Variants in ENGASE observed in about 807,000 individuals in gnomAD.
The protein encoded by ENGASE is endo-beta-N-acetylglucosaminidase, also known as cytosolic endo-beta-N-acetylglucosaminidase.
Under a neutral mutation model 78.5 loss-of-function variants are expected in ENGASE, and 69 were observed. The observed-to-expected ratio is 0.88, with a 90% confidence interval of 0.72 to 1.07. ENGASE has a LOEUF of 1.07. Ranked by LOEUF, ENGASE falls within the 50% of genes least tolerant of loss-of-function variation. The pLI is 0.00. For synonymous variants in ENGASE, 408 were observed against 408.9 expected (o/e 1.00, Z 0.03); for missense variants, 943 against 988.4 (o/e 0.95, Z 0.62).
Position 79,085,632 on chromosome 17 carries a change from G to A in ENGASE, c.1713G>A (p.Val571=), listed in dbSNP as rs762304734. The A allele has an allele frequency of 5.6e-6, 9 of 1,613,816 alleles. No homozygotes were observed. The highest frequency in any genetic ancestry group is 7.6e-6 in the Non-Finnish European group (9 of 1,179,994). The change falls in exon 13 of 14, where the codon GTG becomes GTA. Residue 571 remains valine (V), a synonymous_variant. Coordinates refer to ENST00000579016, the MANE Select transcript of ENGASE (RefSeq NM_001042573.3). The part of the protein sequence containing the change: ...SGGWVQHCYE[V]SLRGCLLLDL... ...TTTCGCCCCGTAGCTGCTACGAGGT[G>A]AGCCTGCGTGGGTGCCTGCTGCTAG...
intron 7 of ENGASE, chr17:79,082,411 C>G: frequency 8.1e-7 from 1 of 1,231,766 alleles, no homozygotes; most frequent in Non-Finnish European, 1.0e-6. Flanking sequence ...CGGGGACGCA[C>G]AGGGGCCTGC....
rs181617117 is a variant in ENGASE, at chr17:79,083,244, G to A, written c.1142+121G>A. ...TTCCTATGGGGGGGTGGTTAAGGGA[G>A]GATGACAGGGGAGGAAGCCAGCACC... On this transcript the variant is annotated intron_variant, in intron 8 of 13. Coordinates refer to ENST00000579016, the MANE Select transcript of ENGASE (RefSeq NM_001042573.3). This position sits in a 1 kb window ranked among gnomAD's most constrained non-coding sequence, Gnocchi z 4.9. The A allele has an allele frequency of 1.2e-3, 1,004 of 829,434 alleles. 5 individuals carry two copies. The African/African-American group carries it at 0.015, about 12-fold the overall frequency. The allele number at this position is 829,434 out of a possible 1,614,324, so 51.4% of individuals were successfully genotyped here.
At chr17:79,080,133 A>G in intron 4 of ENGASE, 74 bp from the exon 5 acceptor site, 1 of 1,511,806 alleles carries the variant, frequency 6.6e-7, no homozygotes, top group Non-Finnish European at 8.9e-7. Flanking sequence ...TGGTTCGAGA[A>G]CCTCGCTTTG....
At chr17:79,078,228 T>C (rs1484946897) in intron 3 of ENGASE, among the ~76,000 whole-genome samples, 1 of 152,092 alleles carries the variant, frequency 6.6e-6, no homozygotes, top group Admixed American at 6.5e-5. Context: ...TAATCCCAGC[T>C]ACTTAGGGGG....
In ENGASE at chr17:79,083,808, G is replaced by C. The variant is rs1404421541; in HGVS notation, c.1299G>C (p.Gln433His). The C allele has an allele frequency of 6.2e-7, 1 of 1,612,316 alleles. No homozygotes were observed. Among genetic ancestry groups the C allele is most frequent in the Non-Finnish European group, 8.5e-7 (1 of 1,179,456 alleles). Residue 433 changes from glutamine (Q) to histidine (H), a missense_variant, in exon 10 of 14, where the codon CAG becomes CAC. Transcript: ENST00000579016. This position sits in a 1 kb window ranked among gnomAD's most constrained non-coding sequence, Gnocchi z 4.9. ...PWYHLSAQEI[Q>H]PLFGEHRLGG... The stretch of plus-strand genomic sequence containing the variant: ...ACCACCTGAGCGCCCAGGAGATCCA[G>C]CCCTTGTTTGGAGAACACAGGCTGG...
chr17:79,081,384 C>A (rs191667542), intron 6 of ENGASE, among the ~76,000 whole-genome samples: 2 of 152,184 alleles, frequency 1.3e-5, no homozygotes, highest in Non-Finnish European at 2.9e-5. Context: ...CACCTGTAGC[C>A]CCAGCTACTC....
intron 11 of ENGASE, 25 bp from the exon 12 acceptor site, chr17:79,085,209 T>C (rs2073259128): frequency 1.9e-6 from 3 of 1,585,284 alleles, no homozygotes; most frequent in Non-Finnish European, 2.6e-6. Context: ...TTCTCCTTTT[T>C]CAAGTTCCGT....
In ENGASE at chr17:79,077,425, C is replaced by G. The variant is rs988689939; in HGVS notation, c.147-5C>G. 1 of 1,594,876 alleles carries G rather than the reference C, an allele frequency of 6.3e-7. No homozygotes were observed. The highest frequency in any genetic ancestry group is 1.4e-5 in the African/African-American group (1 of 73,862). On this transcript the variant is annotated splice_region_variant and splice_polypyrimidine_tract_variant and intron_variant, in intron 1 of 13. Coordinates refer to ENST00000579016, the MANE Select transcript of ENGASE (RefSeq NM_001042573.3). ...TTATAAATGTACAACTCCCTCTTTGCTTAGCATCAAAGATGAAGAAGAAGA... is the reference window on the plus strand; with the variant it reads ...TTATAAATGTACAACTCCCTCTTTGGTTAGCATCAAAGATGAAGAAGAAGA...
chr17:79,077,454 A>G lies in ENGASE; in HGVS notation c.171A>G (p.Thr57=). The G allele has an allele frequency of 1.3e-6, 2 of 1,583,954 alleles. No individual in the cohort carries two copies. Among genetic ancestry groups the G allele is most frequent in the Admixed American group, 1.9e-5 (1 of 52,330 alleles). ...GRSIKDEEEE[T]VFREVVSFSP... is the part of the protein sequence containing the mutation. ...GCATCAAAGATGAAGAAGAAGAGAC[A>G]GTCTTTCGAGAGGTGGTCAGTTTTT... Residue 57 remains threonine (T), a synonymous_variant, in exon 2 of 14, where the codon ACA becomes ACG. Coordinates refer to ENST00000579016, the MANE Select transcript of ENGASE (RefSeq NM_001042573.3).
rs2073199435 is a variant in ENGASE at position 79,083,343 on chromosome 17, C to CG, written c.1143-135dup. On this transcript the variant is annotated intron_variant, in intron 8 of 13. Transcript: ENST00000579016. The surrounding 1 kb of genome is among the most constrained non-coding windows in gnomAD (Gnocchi z 4.9). Reference sequence around the variant, plus strand: ...CTCGTGTTTGCAGCGTATCTGTAGACGGGGAGGCTGCAGTCCTCCTGGAAG... The same window carrying CG: ...CTCGTGTTTGCAGCGTATCTGTAGACGGGGGAGGCTGCAGTCCTCCTGGAAG... 2.8e-6 allele frequency: 2 copies of CG among 719,598 alleles called. No homozygotes were observed. The highest frequency in any genetic ancestry group is 3.6e-5 in the African/African-American group (2 of 56,204). The allele number at this position is 719,598 out of a possible 1,614,324, so 44.6% of individuals were successfully genotyped here. A position where few individuals can be genotyped will look rare whatever the true frequency, so the allele number is the denominator to read the frequency against.
intron 1 of ENGASE, chr17:79,075,957 C>T: frequency 7.4e-6 from 7 of 948,544 alleles, no homozygotes; most frequent in Non-Finnish European, 6.3e-6. Flanking sequence ...ATAAGGACAT[C>T]AACGAGGAAG....
At chr17:79,084,464 G>C in intron 10 of ENGASE, 74 bp from the exon 11 acceptor site, 1 of 1,422,666 alleles carries the variant, frequency 7.0e-7, no homozygotes, top group Non-Finnish European at 9.3e-7. Context: ...AGGGGCTGGT[G>C]GACGCGATTT....
rs201376470 is a variant in ENGASE, at chr17:79,079,543, C to A, written c.471C>A (p.Cys157Ter). Residue 157 changes from cysteine to a stop codon, truncating the protein, a stop_gained, in exon 4 of 14, where the codon TGC becomes TGA. Coordinates refer to ENST00000579016, the MANE Select transcript of ENGASE (RefSeq NM_001042573.3). LOFTEE classifies it high-confidence loss of function. ...CCTATGCTTTCTACCACTGGCAGTGCATCGACGTCTTTGTGTACTTCAGCC... is the reference window on the plus strand; with the variant it reads ...CCTATGCTTTCTACCACTGGCAGTGAATCGACGTCTTTGTGTACTTCAGCC... ...QTPYAFYHWQ[C>*]IDVFVYFSHH... The A allele has an allele frequency of 2.9e-4, 463 of 1,614,008 alleles. No homozygotes were observed. Among genetic ancestry groups the A allele is most frequent in the Non-Finnish European group, 3.7e-4 (439 of 1,180,030 alleles).
rs759534679 is a variant in ENGASE at position 79,086,020 on chromosome 17, G to T, written c.1903G>T (p.Glu635Ter). Residue 635 changes from glutamate to a stop codon, truncating the protein, a stop_gained, in exon 14 of 14, where the codon GAG becomes TAG. Coordinates refer to ENST00000579016, the MANE Select transcript of ENGASE (RefSeq NM_001042573.3). LOFTEE classifies it low-confidence loss of function (END_TRUNC). ...CATCCGCTGGCAGCCATCCGCCTCT[G>T]AGCGGGAGGGGCCCCCTGCTCTGCT... Reference protein sequence around the residue: ...SHIRWQPSASEREGPPALLQL... With the variant: ...SHIRWQPSAS 3.1e-6 allele frequency: 5 copies of T among 1,612,580 alleles called. No homozygotes were observed. The highest frequency in any genetic ancestry group is 3.3e-5 in the Admixed American group (2 of 60,020).
rs1042631493 is a variant in ENGASE, at chr17:79,083,507, C to T, written c.1168C>T (p.Leu390=). ...DKFWGRLERY[L]PTHSICSLPF... is the part of the protein sequence containing the mutation. ...GTTCTGGGGCCGACTGGAGCGTTAT[C>T]TGCCCACACATAGCATCTGCTCCTT... is the stretch of plus-strand genomic sequence containing the variant. The change falls in exon 9 of 14, where the codon CTG becomes TTG. Residue 390 remains leucine (L), a synonymous_variant. Coordinates refer to ENST00000579016, the MANE Select transcript of ENGASE (RefSeq NM_001042573.3). This position sits in a 1 kb window ranked among gnomAD's most constrained non-coding sequence, Gnocchi z 4.9. 5 of 1,614,096 alleles carry T rather than the reference C, an allele frequency of 3.1e-6. No homozygotes were observed. Among genetic ancestry groups the T allele is most frequent in the Non-Finnish European group, 4.2e-6 (5 of 1,180,032 alleles).
Position 79,074,976 on chromosome 17 carries a change from C to T in ENGASE, c.32C>T (p.Ser11Leu), listed in dbSNP as rs1350987539. 4.0e-6 allele frequency: 5 copies of T among 1,240,568 alleles called. No individual in the cohort carries two copies. Among genetic ancestry groups the T allele is most frequent in the Admixed American group, 3.9e-5 (1 of 25,692 alleles). The allele number at this position is 1,240,568 out of a possible 1,614,324, so 76.8% of individuals were successfully genotyped here. Residue 11 changes from serine to leucine, a missense_variant, in exon 1 of 14, where the codon TCG becomes TTG. Coordinates refer to ENST00000579016, the MANE Select transcript of ENGASE (RefSeq NM_001042573.3). MEAAAVTVTR[S>L]ATRRRRRQLQ... ...GCCGCGGCGGTGACGGTCACCCGGT[C>T]GGCTACACGGCGGCGGCGGCGGCAG...
Position 79,086,743 on chromosome 17 carries a change from A to G in ENGASE, c.*394A>G, listed in dbSNP as rs188230111. 7.1e-5 allele frequency: 26 copies of G among 368,378 alleles called. No homozygotes were observed. Among genetic ancestry groups the G allele is most frequent in the African/African-American group, 3.0e-4 (14 of 47,412 alleles). 22.8% of individuals were successfully genotyped at this position (368,378 alleles called of 1,614,324 possible). On this transcript the variant is annotated 3_prime_UTR_variant, in exon 14 of 14. Transcript: ENST00000579016. ...GATTTTCTTTCCTGCAGATGAAACTATTAGAAAGGGTCTTAGATTGTGGCA... is the reference window on the plus strand; with the variant it reads ...GATTTTCTTTCCTGCAGATGAAACTGTTAGAAAGGGTCTTAGATTGTGGCA...
intron 3 of ENGASE, 113 bp from the exon 4 acceptor site, chr17:79,079,376 C>A: frequency 8.1e-7 from 1 of 1,241,752 alleles, no homozygotes. Flanking sequence ...CCATGTTGCC[C>A]AGGCTGGTCT....
Position 79,083,436 on chromosome 17 carries a change from C to G in ENGASE, c.1143-46C>G. On this transcript the variant is annotated intron_variant, in intron 8 of 13. Transcript: ENST00000579016. The surrounding 1 kb of genome is among the most constrained non-coding windows in gnomAD (Gnocchi z 4.9). ...CAAGTTTGAGGGACACTGAGAGGCT[C>G]CCTCCCTTCCTCCGGACCGAGCTGT... 1 of 1,467,582 alleles carries G rather than the reference C, an allele frequency of 6.8e-7. No homozygotes were observed. The highest frequency in any genetic ancestry group is 9.5e-7 in the Non-Finnish European group (1 of 1,054,926). 90.9% of individuals were successfully genotyped at this position (1,467,582 alleles called of 1,614,324 possible).
Sources: gnomAD v4.1 joint callset for allele counts (sites outside exome capture counted in the v4.1 genomes callset) on GRCh38, gnomAD v4.1.1 for gene constraint, Gnocchi (gnomAD v3.1) non-coding constraint, MANE v1.5 for transcripts, NCBI Gene and HGNC (gene_info 2026-07-23, HGNC 2026-07-21) for gene names.